Variants in INO80 observed in about 807,000 individuals in gnomAD.
INO80 encodes chromatin-remodeling ATPase INO80.
Under a neutral mutation model 203.4 loss-of-function variants are expected in INO80, and 20 were observed. The ratio of observed to expected loss-of-function variants is 0.10; its 90% CI spans 0.07 to 0.14. INO80 has a LOEUF of 0.14. Among genes scored for constraint, INO80 ranks in the 10% least tolerant of loss-of-function variants. The pLI is 1.00. For synonymous variants in INO80, 726 were observed against 685.2 expected (o/e 1.06, Z -0.93); for missense variants, 1,419 against 1,914.4 (o/e 0.74, Z 4.83).
At chr15:41,067,116 G>A (rs550646482) in intron 14 of INO80, among the ~76,000 whole-genome samples, 2 of 152,034 alleles carry the variant, frequency 1.3e-5, no homozygotes, top group East Asian at 1.9e-4. Flanking sequence ...TCACTCTGTC[G>A]CCCAGGCTGG....
intron 1 of INO80, among the ~76,000 whole-genome samples, chr15:41,099,237 C>CA (rs71104771): frequency 0.085 from 1,792 of 21,112 alleles, 566 homozygotes; most frequent in Non-Finnish European, 0.15. Context: ...GACCCTGTCT[C>CA]AAAAAAAAAA....
chr15:41,099,237 C>CAAAAAAAAAAAAAA (rs71104771), intron 1 of INO80, among the ~76,000 whole-genome samples: 6 of 21,078 alleles, frequency 2.8e-4, no homozygotes, highest in Admixed American at 1.1e-3. Context: ...GACCCTGTCT[C>CAAAAAAAAAAAAAA]AAAAAAAAAA....
At chr15:41,041,442 T>TTTTC (rs985539963) in intron 24 of INO80, among the ~76,000 whole-genome samples, 7 of 151,382 alleles carry the variant, frequency 4.6e-5, no homozygotes, top group African/African-American at 1.5e-4. Context: ...TTTTTTTTTT[T>TTTTC]TTTCTTTCTT....
chr15:41,010,300 A>AT (rs933381271), intron 27 of INO80, among the ~76,000 whole-genome samples: 1 of 152,084 alleles, frequency 6.6e-6, no homozygotes, highest in Admixed American at 6.5e-5. Flanking sequence ...GCTATTAAAT[A>AT]TTTTTTTAAT....
rs2044785302 is a variant in INO80 at position 41,047,287 on chromosome 15, A to G, written c.2735+121T>C. ...GCCTACAAACTTTATTCTTAACAAA[A>G]GAAAATTAATGACAAGTTCTCTAAG... On this transcript the variant is annotated intron_variant, in intron 23 of 35. Coordinates refer to ENST00000648947, the MANE Select transcript of INO80 (RefSeq NM_017553.3). The G allele has an allele frequency of 4.1e-6, 3 of 731,420 alleles. No individual in the cohort carries two copies. The South Asian group carries it at 5.0e-5, about 12-fold the overall frequency. The allele number at this position is 731,420 out of a possible 1,614,324, so 45.3% of individuals were successfully genotyped here.
chr15:41,045,326 C>T (rs757901986), intron 23 of INO80, among the ~76,000 whole-genome samples: 6 of 152,084 alleles, frequency 3.9e-5, no homozygotes, highest in African/African-American at 1.2e-4. Context: ...CAGTGGCTCA[C>T]GCCTGTAATT....
At chr15:41,025,290 G>A (rs916992920) in intron 25 of INO80, among the ~76,000 whole-genome samples, 1 of 152,228 alleles carries the variant, frequency 6.6e-6, no homozygotes, top group Non-Finnish European at 1.5e-5. Context: ...GTGTGAGAGA[G>A]TGGGACTGTT....
chr15:41,047,532 C>G (rs148426199), intron 22 of INO80, 31 bp from the exon 23 acceptor site: 3 of 1,460,046 alleles, frequency 2.1e-6, no homozygotes, highest in Non-Finnish European at 2.9e-6. Context: ...TGAAACCCAA[C>G]AGCAAACCAA....
At chr15:41,055,422 GATGTA>G in intron 17 of INO80, 58 bp from the exon 18 acceptor site, 1 of 1,114,940 alleles carries the variant, frequency 9.0e-7, no homozygotes, top group Non-Finnish European at 1.3e-6. Flanking sequence ...AGCGTGTAAG[GATGTA>G]TTAGATAGAG....
chr15:41,064,971 C>T (rs2045183748), intron 14 of INO80, among the ~76,000 whole-genome samples: 1 of 151,884 alleles, frequency 6.6e-6, no homozygotes, highest in African/African-American at 2.4e-5. Context: ...TGCACTCCAG[C>T]CTGGGAAACA....
At chr15:41,084,056 TA>T (rs1158940354) in intron 7 of INO80, among the ~76,000 whole-genome samples, 2 of 152,100 alleles carry the variant, frequency 1.3e-5, no homozygotes, top group East Asian at 1.9e-4. Flanking sequence ...ATCCCGTTTC[TA>T]AAAAAAATCC....
intron 14 of INO80, among the ~76,000 whole-genome samples, chr15:41,065,382 C>T (rs532919153): frequency 1.6e-4 from 24 of 152,090 alleles, no homozygotes; most frequent in South Asian, 6.2e-4. Flanking sequence ...TTGCAGCGAG[C>T]CAAGATCACG....
At chr15:41,007,570 T>G (rs530665474) in intron 27 of INO80, among the ~76,000 whole-genome samples, 209 of 152,044 alleles carry the variant, frequency 1.4e-3, no homozygotes, top group African/African-American at 4.6e-3. Flanking sequence ...TATATTTATA[T>G]ATCAAGGCCA....
In INO80 at chr15:40,982,965, T is replaced by C. The variant is rs141777871; in HGVS notation, c.4350A>G (p.Arg1450=). The C allele has an allele frequency of 1.9e-5, 30 of 1,614,210 alleles. No homozygotes were observed. In the African/African-American group the frequency reaches 3.6e-4, roughly 19 times the overall value. ...TAKGAGKGRS[R]KSTAGSAAAM... The stretch of plus-strand genomic sequence containing the variant: ...CAGCAGCACTGCCTGCCGTGGACTT[T>C]CGGCTCCGGCCCTTCCCTGCTCCTT... Residue 1450 remains arginine, a synonymous_variant, in exon 35 of 36, where the codon CGA becomes CGG. Coordinates refer to ENST00000648947, the MANE Select transcript of INO80 (RefSeq NM_017553.3).
At chr15:41,058,559 G>A in intron 16 of INO80, 80 bp downstream of exon 16, 1 of 1,051,088 alleles carries the variant, frequency 9.5e-7, no homozygotes. Flanking sequence ...GTCTGTGTGT[G>A]TGTGTGTGTG....
intron 25 of INO80, among the ~76,000 whole-genome samples, chr15:41,027,051 T>C (rs1016451363): frequency 6.6e-6 from 1 of 152,190 alleles, no homozygotes; most frequent in African/African-American, 2.4e-5. Flanking sequence ...AACAGTCACT[T>C]TTCAGATGGA....
At chr15:40,993,773 T>TAAAGAA (rs377016726) in intron 29 of INO80, among the ~76,000 whole-genome samples, 25 of 5,834 alleles carry the variant, frequency 4.3e-3, no homozygotes, top group East Asian at 0.03. Flanking sequence ...AATAAATAAA[T>TAAAGAA]AAATAAAAAG....
intron 1 of INO80, among the ~76,000 whole-genome samples, chr15:41,112,806 A>C (rs904519357): frequency 5.3e-5 from 8 of 151,338 alleles, no homozygotes; most frequent in South Asian, 2.1e-4. Flanking sequence ...AAAAAAAAAA[A>C]AAAAAAACTT....
chr15:41,002,278 TA>T (rs2043968923), intron 28 of INO80, among the ~76,000 whole-genome samples: 2 of 152,240 alleles, frequency 1.3e-5, no homozygotes, highest in South Asian at 4.1e-4. Flanking sequence ...ACATTTTTAC[TA>T]AGTAGAGCCA....
Sources: allele counts gnomAD v4.1 joint callset (sites outside exome capture counted in the v4.1 genomes callset), GRCh38; gene constraint gnomAD v4.1.1; transcripts MANE v1.5; gene names NCBI Gene and HGNC (gene_info 2026-07-23, HGNC 2026-07-21).